ZCRB1: variants seen among roughly 807,000 people sequenced by gnomAD.
ZCRB1 encodes zinc finger CCHC-type and RNA binding motif containing 1, also known as zinc finger CCHC-type and RNA-binding motif-containing protein 1.
In ZCRB1, 21 loss-of-function variants were observed where a neutral mutation model predicts 29.9. That is an observed-to-expected ratio of 0.70 (90% CI 0.50 to 1.01). ZCRB1 has a LOEUF of 1.01. Among genes scored for constraint, ZCRB1 ranks in the 50% least tolerant of loss-of-function variants. The probability of loss-of-function intolerance (pLI) is 0.00; values close to 1 mark genes in which losing one functional copy is unlikely to be tolerated. For missense variants in ZCRB1, 204 were observed against 253.3 expected (o/e 0.81, Z 1.32); for synonymous variants, 77 against 80.0 (o/e 0.96, Z 0.20).
Position 42,314,073 on chromosome 12 carries a change from T to C in ZCRB1, c.334-87A>G. The C allele has an allele frequency of 2.1e-6, 3 of 1,404,402 alleles. No individual in the cohort carries two copies. In the South Asian group the frequency reaches 4.3e-5, roughly 20 times the overall value. 87.0% of individuals were successfully genotyped at this position (1,404,402 alleles called of 1,614,324 possible). On this transcript the variant is annotated intron_variant, in intron 5 of 7. Coordinates refer to ENST00000266529, the MANE Select transcript of ZCRB1 (RefSeq NM_033114.4). ...TGCCTGGTACCTTATTACTAAAAAG[T>C]TTTCAAATTTAAAAAGGAATATTCC...
At chr12:42,323,921 A>G in intron 2 of ZCRB1, 98 bp downstream of exon 2, 2 of 1,156,476 alleles carry the variant, frequency 1.7e-6, no homozygotes, top group Non-Finnish European at 2.5e-6. Flanking sequence ...TCTCAAAAAA[A>G]GAAAAAAAAA....
chr12:42,320,535 G>A (rs1319972776), intron 3 of ZCRB1, among the ~76,000 whole-genome samples: 2 of 151,898 alleles, frequency 1.3e-5, no homozygotes, highest in East Asian at 3.9e-4. Context: ...ACCTCCATCC[G>A]CCTCCTGGGT....
At chr12:42,323,914 CA>C (rs1565694358) in intron 2 of ZCRB1, 104 bp downstream of exon 2, 2 of 1,078,000 alleles carry the variant, frequency 1.9e-6, no homozygotes, top group East Asian at 2.5e-5. Flanking sequence ...TAGACTGTCT[CA>C]AAAAAAGAAA....
chr12:42,317,730 C>A, intron 4 of ZCRB1, 57 bp downstream of exon 4: 2 of 1,499,242 alleles, frequency 1.3e-6, no homozygotes, highest in South Asian at 2.3e-5. Context: ...ACATTTTTGG[C>A]CTGGATGAGC....
At position 42,314,914 on chromosome 12, in the gene ZCRB1, C is replaced by T. The variant is rs554660794; in HGVS notation, c.334-928G>A. 4.6e-5 allele frequency among the ~76,000 whole-genome samples: 7 copies of T among 151,854 alleles called. No homozygotes were observed. In the East Asian group the frequency reaches 9.7e-4, roughly 21 times the overall value. ...CTGCAGTGAGCTGAGATTGTGCCAC[C>T]GCACTCCAGCCTAGGCAACAGAGCA... On this transcript the variant is annotated intron_variant, in intron 5 of 7. Transcript: ENST00000266529.
chr12:42,316,412 A>T (rs1322503086), intron 5 of ZCRB1, among the ~76,000 whole-genome samples: 1 of 152,062 alleles, frequency 6.6e-6, no homozygotes, highest in African/African-American at 2.4e-5. Flanking sequence ...TTTCTTAAGT[A>T]TTTTTATGGT....
At chr12:42,317,998 ATAAAT>A in intron 3 of ZCRB1, 100 bp from the exon 4 acceptor site, 1 of 872,802 alleles carries the variant, frequency 1.1e-6, no homozygotes, top group Non-Finnish European at 1.7e-6. Flanking sequence ...AATTTATAAG[ATAAAT>A]TAATACATTT....
At chr12:42,320,241 T>C (rs2068614844) in intron 3 of ZCRB1, among the ~76,000 whole-genome samples, 1 of 152,188 alleles carries the variant, frequency 6.6e-6, no homozygotes, top group South Asian at 2.1e-4. Context: ...ACAAAGTCCT[T>C]ATACGCAAAG....
rs190234905 is a variant in ZCRB1 at position 42,324,064 on chromosome 12, A to G, written c.39T>C (p.Tyr13=). 1.5e-4 allele frequency: 246 copies of G among 1,614,216 alleles called. 3 individuals carry two copies. The Admixed American group carries it at 4.0e-3, about 27-fold the overall frequency. The change falls in exon 2 of 8, where the codon TAT becomes TAC. Residue 13 remains tyrosine (Y), a synonymous_variant. Coordinates refer to ENST00000266529, the MANE Select transcript of ZCRB1 (RefSeq NM_033114.4). Reference sequence around the variant, plus strand: ...TCAGGGAAAAAGGCAAGTTGGATACATACACTGTGCTCTTACTTGGAGCCA... The same window carrying G: ...TCAGGGAAAAAGGCAAGTTGGATACGTACACTGTGCTCTTACTTGGAGCCA... The part of the protein sequence containing the change: ...GGLAPSKSTV[Y]VSNLPFSLTN...
intron 3 of ZCRB1, among the ~76,000 whole-genome samples, chr12:42,320,321 T>A (rs181308346): frequency 6.6e-6 from 1 of 152,340 alleles, no homozygotes; most frequent in African/African-American, 2.4e-5. Flanking sequence ...TATTTCATAA[T>A]GATCTCTGAA....
Position 42,317,826 on chromosome 12 carries a change from G to C in ZCRB1, c.186C>G (p.Asp62Glu), listed in dbSNP as rs375892287. ...TTGCCCTGGTACAGTTTTGTGCAGAGTCTTTATCCAAAAATAAAATAAATG... is the reference window on the plus strand; with the variant it reads ...TTGCCCTGGTACAGTTTTGTGCAGACTCTTTATCCAAAAATAAAATAAATG... The part of the protein sequence containing the change: ...GVAFILFLDK[D>E]SAQNCTRAIN... Residue 62 changes from aspartate (D) to glutamate (E), a missense_variant, in exon 4 of 8, where the codon GAC (aspartate) becomes GAG (glutamate). Asp to Glu is a conservative substitution (Grantham distance 45). Coordinates refer to ENST00000266529, the MANE Select transcript of ZCRB1 (RefSeq NM_033114.4). 1.1e-5 allele frequency: 18 copies of C among 1,613,506 alleles called. No individual in the cohort carries two copies. The African/African-American group carries it at 2.3e-4, about 20-fold the overall frequency.
At chr12:42,317,087 T>G (rs2068598275) in intron 5 of ZCRB1, among the ~76,000 whole-genome samples, 1 of 152,168 alleles carries the variant, frequency 6.6e-6, no homozygotes, top group Non-Finnish European at 1.5e-5. Context: ...TGCATGCCTG[T>G]GGTCCCAGCT....
Position 42,324,160 on chromosome 12 carries a change from T to C in ZCRB1, c.-2-56A>G. On this transcript the variant is annotated intron_variant, in intron 1 of 7. Transcript: ENST00000266529. ...AGTCTAAACCAGGATTCTTTTTTTG[T>C]TGTTTGAGACGGAGTTTCCCTCTTG... 2.0e-6 allele frequency: 3 copies of C among 1,529,676 alleles called. No homozygotes were observed. In the South Asian group the frequency reaches 3.4e-5, roughly 17 times the overall value. 94.8% of individuals were successfully genotyped at this position (1,529,676 alleles called of 1,614,324 possible). A position where few individuals can be genotyped will look rare whatever the true frequency, so the allele number is the denominator to read the frequency against.
At chr12:42,318,288 A>C (rs1315399709) in intron 3 of ZCRB1, among the ~76,000 whole-genome samples, 1 of 152,232 alleles carries the variant, frequency 6.6e-6, no homozygotes, top group Non-Finnish European at 1.5e-5. Flanking sequence ...TTAGAATCAA[A>C]GTATATTCTT....
rs750597344 is a variant in ZCRB1 at position 42,313,882 on chromosome 12, T to C, written c.438A>G (p.Glu146=). 5 of 1,599,600 alleles carry C rather than the reference T, an allele frequency of 3.1e-6. No individual in the cohort carries two copies. In the South Asian group the frequency reaches 5.8e-5, roughly 18 times the overall value. The change falls in exon 6 of 8, where the codon GAA becomes GAG. Residue 146 remains glutamate (E), a synonymous_variant. Coordinates refer to ENST00000266529, the MANE Select transcript of ZCRB1 (RefSeq NM_033114.4). ...KKKKKKAPEP[E]EEIEEVEESE... ...AAGAATAATATACATACATTTCTTC[T>C]TCTGGTTCAGGAGCTTTCTTTTTTT...
intron 5 of ZCRB1, among the ~76,000 whole-genome samples, chr12:42,314,426 AAAAAAT>A (rs1419845235): frequency 1.2e-4 from 17 of 147,348 alleles, no homozygotes; most frequent in African/African-American, 4.3e-4. Flanking sequence ...AAAAAAAAAA[AAAAAAT>A]TAGTTGGGCA....
At chr12:42,321,227 T>TC (rs2068619724) in intron 3 of ZCRB1, among the ~76,000 whole-genome samples, 1 of 152,214 alleles carries the variant, frequency 6.6e-6, no homozygotes, top group Non-Finnish European at 1.5e-5. Context: ...GTTTCATGGT[T>TC]TAGGACTATA....
At chr12:42,324,609 A>G (rs2137537453) in intron 1 of ZCRB1, among the ~76,000 whole-genome samples, 1 of 152,376 alleles carries the variant, frequency 6.6e-6, no homozygotes, top group East Asian at 1.9e-4. Context: ...GTTAGGAACA[A>G]TGACTCCAGC....
chr12:42,322,534 T>C (rs1020858274), intron 2 of ZCRB1, 88 bp from the exon 3 acceptor site: 69 of 1,289,672 alleles, frequency 5.4e-5, no homozygotes, highest in Middle Eastern at 2.0e-4. Flanking sequence ...AAATTCTTTG[T>C]TACAGTTTAT....
Sources: gnomAD v4.1 joint callset for allele counts (sites outside exome capture counted in the v4.1 genomes callset) on GRCh38, gnomAD v4.1.1 for gene constraint, MANE v1.5 for transcripts, NCBI Gene and HGNC (gene_info 2026-07-23, HGNC 2026-07-21) for gene names.